The following LIMCH1 variants were observed in gnomAD, a reference collection of about 807,000 sequenced individuals.
The protein encoded by LIMCH1 is LIM and calponin homology domains-containing protein 1.
In LIMCH1, 113 loss-of-function variants were observed where a neutral mutation model predicts 176.5. The observed-to-expected ratio is 0.64, with a 90% CI of 0.55 to 0.75. The LOEUF is 0.75. Among genes scored for constraint, LIMCH1 ranks in the 30% least tolerant of loss-of-function variants. The probability of loss-of-function intolerance (pLI) is 0.00; values close to 1 mark genes in which losing one functional copy is unlikely to be tolerated. For synonymous variants in LIMCH1, 619 were observed against 645.9 expected (o/e 0.96, Z 0.63); for missense variants, 1,674 against 1,814.9 (o/e 0.92, Z 1.41).
At chr4:41,532,794 C>G (rs2077470155) in intron 3 of LIMCH1, among the ~76,000 whole-genome samples, 1 of 152,152 alleles carries the variant, frequency 6.6e-6, no homozygotes, top group African/African-American at 2.4e-5. Context: ...TTCTGGTTTT[C>G]TTTTATTTGG....
At chr4:41,408,918 A>T (rs1239580858) in intron 1 of LIMCH1, among the ~76,000 whole-genome samples, 1 of 152,224 alleles carries the variant, frequency 6.6e-6, no homozygotes, top group Admixed American at 6.5e-5. Flanking sequence ...TCTAGCGATG[A>T]TCAGCAATTT....
chr4:41,484,170 C>T (rs751106498), intron 1 of LIMCH1, among the ~76,000 whole-genome samples: 4 of 151,496 alleles, frequency 2.6e-5, no homozygotes, highest in Admixed American at 6.5e-5. Flanking sequence ...GTGTTCATTG[C>T]TTCTTCCATG....
intron 18 of LIMCH1, among the ~76,000 whole-genome samples, chr4:41,653,891 T>A (rs2094386564): frequency 6.6e-6 from 1 of 152,262 alleles, no homozygotes; most frequent in Non-Finnish European, 1.5e-5. Flanking sequence ...AAATGCTTTG[T>A]CTGTACCTCC....
intron 7 of LIMCH1, among the ~76,000 whole-genome samples, chr4:41,623,156 G>A (rs2092701739): frequency 6.6e-6 from 1 of 152,186 alleles, no homozygotes; most frequent in South Asian, 2.1e-4. Context: ...TAACTGGAAT[G>A]AAGTATCATG....
At chr4:41,626,331 C>T (rs1218661509) in intron 7 of LIMCH1, among the ~76,000 whole-genome samples, 1 of 152,096 alleles carries the variant, frequency 6.6e-6, no homozygotes, top group Non-Finnish European at 1.5e-5. Flanking sequence ...CAGTCAAAAA[C>T]AAATTAAGTG....
intron 1 of LIMCH1, among the ~76,000 whole-genome samples, chr4:41,384,459 C>T (rs1040217970): frequency 6.6e-6 from 1 of 152,060 alleles, no homozygotes; most frequent in Non-Finnish European, 1.5e-5. Flanking sequence ...CCACCCGCCT[C>T]GGCCTCCCAA....
At chr4:41,401,301 C>T (rs1373307277) in intron 1 of LIMCH1, among the ~76,000 whole-genome samples, 3 of 152,108 alleles carry the variant, frequency 2.0e-5, no homozygotes, top group Non-Finnish European at 2.9e-5. Context: ...CCTTTCCCCA[C>T]TGCTTGTTTT....
intron 1 of LIMCH1, among the ~76,000 whole-genome samples, chr4:41,468,929 G>A (rs2066548626): frequency 6.6e-6 from 1 of 152,130 alleles, no homozygotes; most frequent in African/African-American, 2.4e-5. Context: ...CTTACCCTGG[G>A]AAACACAGGC....
At chr4:41,661,609 T>C (rs777902747) in intron 19 of LIMCH1, 99 bp downstream of exon 19, 101 of 852,540 alleles carry the variant, frequency 1.2e-4, no homozygotes, top group Non-Finnish European at 1.8e-4. Context: ...CACAGGAAAG[T>C]AGTAATTAGA....
chr4:41,507,293 A>G (rs780834454), intron 2 of LIMCH1, among the ~76,000 whole-genome samples: 5 of 152,136 alleles, frequency 3.3e-5, no homozygotes, highest in Non-Finnish European at 7.4e-5. Context: ...AGGCTTTGTC[A>G]CTTAGGCATG....
At chr4:41,606,081 T>C in intron 4 of LIMCH1, 77 bp downstream of exon 4, 1 of 959,706 alleles carries the variant, frequency 1.0e-6, no homozygotes, top group Non-Finnish European at 1.6e-6. Context: ...TTTTTAAGAT[T>C]ACTAGAGTAC....
Position 41,650,640 on chromosome 4 carries a change from G to A in LIMCH1, c.3036+32G>A, listed in dbSNP as rs2094254786. On this transcript the variant is annotated intron_variant, in intron 18 of 31. Coordinates refer to ENST00000503057, the MANE Select transcript of LIMCH1 (RefSeq NM_001330672.2). The stretch of plus-strand genomic sequence containing the variant: ...ACCAAACATTTCCCCGCCTCCCTTT[G>A]GGATAATTCCATGGTGAAAGAATCT... The A allele has an allele frequency of 1.9e-6, 3 of 1,538,880 alleles. No individual in the cohort carries two copies. The South Asian group carries it at 3.5e-5, about 18-fold the overall frequency.
intron 7 of LIMCH1, among the ~76,000 whole-genome samples, chr4:41,623,076 A>G (rs1275390780): frequency 1.3e-5 from 2 of 152,214 alleles, no homozygotes; most frequent in African/African-American, 4.8e-5. Flanking sequence ...TTTGCATGCC[A>G]CAAGAGTTGA....
intron 3 of LIMCH1, among the ~76,000 whole-genome samples, chr4:41,530,148 T>G (rs77716219): frequency 6.6e-6 from 1 of 152,126 alleles, no homozygotes; most frequent in Admixed American, 6.5e-5. Context: ...GTAGGGGAAG[T>G]GATGAAAGAG....
chr4:41,366,464 G>A (rs1375261714), intron 1 of LIMCH1, among the ~76,000 whole-genome samples: 1 of 152,106 alleles, frequency 6.6e-6, no homozygotes, highest in Non-Finnish European at 1.5e-5. Flanking sequence ...TGTTCCTTAG[G>A]ATGTGTGTGT....
At chr4:41,505,806 A>C (rs2074074953) in intron 2 of LIMCH1, among the ~76,000 whole-genome samples, 1 of 152,116 alleles carries the variant, frequency 6.6e-6, no homozygotes, top group South Asian at 2.1e-4. Flanking sequence ...CTATAGAAAC[A>C]CTTGGTGAAT....
At chr4:41,368,625 C>T (rs1268691514) in intron 1 of LIMCH1, among the ~76,000 whole-genome samples, 1 of 152,138 alleles carries the variant, frequency 6.6e-6, no homozygotes, top group East Asian at 1.9e-4. Flanking sequence ...TTGGATGCTA[C>T]ACATACTTTT....
rs150648276 is a variant in LIMCH1, at chr4:41,616,030, CTCTTA to C, written c.205+2371_205+2375del. On this transcript the variant is annotated intron_variant, in intron 5 of 31. Transcript: ENST00000503057. Reference sequence around the variant, plus strand: ...ATTTCTCCCCCAGCATTAATAGCATCTCTTATGAGTCCACTTAATGGGCTTCATTG... The same window carrying C: ...ATTTCTCCCCCAGCATTAATAGCATCTGAGTCCACTTAATGGGCTTCATTG... Among the ~76,000 whole-genome samples the C allele has an allele frequency of 7.4e-3, 1,121 of 152,282 alleles. 16 individuals carry two copies. The highest frequency in any genetic ancestry group is 0.026 in the African/African-American group (1,074 of 41,562).
intron 3 of LIMCH1, among the ~76,000 whole-genome samples, chr4:41,532,924 G>T (rs1476375927): frequency 4.6e-5 from 7 of 152,076 alleles, no homozygotes; most frequent in Admixed American, 4.6e-4. Context: ...GGCTTAGCTG[G>T]GTCTCTGGTT....
Sources: gnomAD v4.1 joint callset for allele counts (sites outside exome capture counted in the v4.1 genomes callset) on GRCh38, gnomAD v4.1.1 for gene constraint, MANE v1.5 for transcripts, NCBI Gene and HGNC (gene_info 2026-07-23, HGNC 2026-07-21) for gene names.